The following DNAAF4 variants were observed in gnomAD, a reference collection of about 807,000 sequenced individuals.
DNAAF4 encodes the protein dynein axonemal assembly factor 4.
Under a neutral mutation model 51.8 loss-of-function variants are expected in DNAAF4, and 43 were observed. That is an observed-to-expected ratio of 0.83 (90% confidence interval 0.65 to 1.07). The LOEUF is 1.07. Ranked by LOEUF, DNAAF4 falls within the 50% of genes least tolerant of loss-of-function variation. The pLI is 0.00. For missense variants in DNAAF4, 581 were observed against 493.0 expected, an observed-to-expected ratio of 1.18 and a Z score of -1.69; for synonymous variants, 194 against 165.6, an observed-to-expected ratio of 1.17 and a Z score of -1.32.
chr15:55,427,595 C>A (rs1410711629), downstream of DNAAF4, among the ~76,000 whole-genome samples: 1 of 151,606 alleles, frequency 6.6e-6, no homozygotes, highest in African/African-American at 2.4e-5. Flanking sequence ...ATCTTAGGAG[C>A]AGTTTAGGGA....
rs1392684796 is a variant in DNAAF4, at chr15:55,498,292, G to T, written c.38C>A (p.Thr13Lys). ...CAGAGACAGAAAGACCGCAGTCTTC[G>T]TCTGCTGCCAGCTGTAATCGCTAAC... is the stretch of plus-strand genomic sequence containing the variant. ...LQVSDYSWQQ[T>K]KTAVFLSLPL... The change falls in exon 2 of 10, where the codon ACG (threonine) becomes AAG (lysine). Residue 13 changes from threonine (T) to lysine (K), a missense_variant. Coordinates refer to ENST00000321149, the MANE Select transcript of DNAAF4 (RefSeq NM_130810.4). The T allele has an allele frequency of 6.2e-7, 1 of 1,613,098 alleles. No homozygotes were observed. The highest frequency in any genetic ancestry group is 8.5e-7 in the Non-Finnish European group (1 of 1,179,588).
At chr15:55,426,489 C>G (rs959306972), downstream of DNAAF4, among the ~76,000 whole-genome samples, 6 of 152,180 alleles carry the variant, frequency 3.9e-5, no homozygotes, top group Non-Finnish European at 8.8e-5. Flanking sequence ...AAGGTTAGAA[C>G]CAAGATGGAG....
intron 5 of DNAAF4, among the ~76,000 whole-genome samples, chr15:55,456,082 C>CTT (rs772918466): frequency 2.8e-5 from 4 of 141,384 alleles, no homozygotes; most frequent in Admixed American, 7.2e-5. Context: ...CTAAATATTT[C>CTT]TTTTTTTTTT....
chr15:55,453,301 T>C (rs542219020), intron 5 of DNAAF4, among the ~76,000 whole-genome samples: 44 of 152,166 alleles, frequency 2.9e-4, no homozygotes, highest in Non-Finnish European at 2.5e-4. Flanking sequence ...AAGAAGTTTT[T>C]GCAGAAGATT....
intron 8 of DNAAF4, among the ~76,000 whole-genome samples, chr15:55,434,683 T>C (rs1388873958): frequency 2.6e-5 from 4 of 152,024 alleles, no homozygotes; most frequent in Admixed American, 6.6e-5. Flanking sequence ...CAGTAACAGC[T>C]GATTTTTAAT....
At chr15:55,429,168 G>A (rs554957537), downstream of DNAAF4, among the ~76,000 whole-genome samples, 2 of 151,968 alleles carry the variant, frequency 1.3e-5, no homozygotes, top group South Asian at 4.2e-4. Flanking sequence ...GTTGCAGTGA[G>A]CCGAGATTGC....
At chr15:55,470,272 G>A (rs1208962096) in intron 4 of DNAAF4, among the ~76,000 whole-genome samples, 1 of 151,918 alleles carries the variant, frequency 6.6e-6, no homozygotes, top group Non-Finnish European at 1.5e-5. Context: ...GGCTGATCTT[G>A]AACTCCTGAC....
At chr15:55,491,805 TA>T (rs1287330457) in intron 3 of DNAAF4, among the ~76,000 whole-genome samples, 1 of 143,234 alleles carries the variant, frequency 7.0e-6, no homozygotes, top group Non-Finnish European at 1.5e-5. Flanking sequence ...TTATATATAA[TA>T]TTTTATATAA....
intron 1 of DNAAF4, among the ~76,000 whole-genome samples, chr15:55,504,316 A>G (rs971080408): frequency 2.0e-5 from 3 of 152,186 alleles, no homozygotes; most frequent in African/African-American, 7.2e-5. Context: ...TGGATAGGAA[A>G]AATCAATATT....
rs1333950667 is a variant in DNAAF4, at chr15:55,469,330, A to G, written c.406-2169T>C. Among the ~76,000 whole-genome samples, 17 of 146,216 alleles carry G rather than the reference A, an allele frequency of 1.2e-4. No individual in the cohort carries two copies. In the East Asian group the frequency reaches 2.8e-3, roughly 24 times the overall value. On this transcript the variant is annotated intron_variant, in intron 4 of 9. Transcript: ENST00000321149. ...GGGGGACAAGAGCGAGGCTCCTCTC[A>G]AAAAAAAAAGAAAGAAAGAAAGAAA...
chr15:55,497,029 T>C (rs1268190516), intron 3 of DNAAF4, among the ~76,000 whole-genome samples: 3 of 152,198 alleles, frequency 2.0e-5, no homozygotes, highest in Non-Finnish European at 4.4e-5. Flanking sequence ...TGTTAAAAGC[T>C]ATCACATTTC....
Position 55,492,673 on chromosome 15 carries a change from G to A in DNAAF4, c.272-1417C>T, listed in dbSNP as rs564161955. Among the ~76,000 whole-genome samples, 53 of 151,896 alleles carry A rather than the reference G, an allele frequency of 3.5e-4. No individual in the cohort carries two copies. In the South Asian group the frequency reaches 7.9e-3, roughly 23 times the overall value. ...TCCTGCCTCAGCCTCCCAAGTAGCC[G>A]GGACTACGGGTGGGCATCACCACGC... is the stretch of plus-strand genomic sequence containing the variant. On this transcript the variant is annotated intron_variant, in intron 3 of 9. Coordinates refer to ENST00000321149, the MANE Select transcript of DNAAF4 (RefSeq NM_130810.4).
At chr15:55,422,031 A>C (rs974290579) in intron 7 of DNAAF4, among the ~76,000 whole-genome samples, 1 of 151,584 alleles carries the variant, frequency 6.6e-6, no homozygotes, top group Non-Finnish European at 1.5e-5. Context: ...AACAGACCAA[A>C]AAGCATGTAT....
At chr15:55,498,084 A>C (rs1328994132) in intron 2 of DNAAF4, 123 bp downstream of exon 2, 1 of 1,518,140 alleles carries the variant, frequency 6.6e-7, no homozygotes, top group African/African-American at 1.4e-5. Flanking sequence ...CATTTTTTTA[A>C]TAGGATTAAA....
At chr15:55,438,364 A>T (rs868623109) in intron 7 of DNAAF4, among the ~76,000 whole-genome samples, 2 of 152,072 alleles carry the variant, frequency 1.3e-5, no homozygotes, top group Non-Finnish European at 2.9e-5. Flanking sequence ...AAAAAAAAAA[A>T]AAATCCATAT....
At chr15:55,418,194 G>C in intron 7 of DNAAF4, 1 of 1,565,258 alleles carries the variant, frequency 6.4e-7, no homozygotes, top group Non-Finnish European at 8.6e-7. Flanking sequence ...CTTTATAATG[G>C]AGAATGATTT....
At chr15:55,456,113 C>G (rs992379039) in intron 5 of DNAAF4, among the ~76,000 whole-genome samples, 28 of 148,422 alleles carry the variant, frequency 1.9e-4, no homozygotes, top group Non-Finnish European at 3.3e-4. Flanking sequence ...GAGTTTCACT[C>G]TTGTTGCCCA....
chr15:55,456,875 G>T (rs78907658), intron 5 of DNAAF4, among the ~76,000 whole-genome samples: 5,542 of 152,300 alleles, frequency 0.036, 103 homozygotes, highest in African/African-American at 0.05. Context: ...ATCCCCAGCT[G>T]GAGTCCAAGG....
intron 1 of DNAAF4, among the ~76,000 whole-genome samples, chr15:55,503,953 G>A (rs1254687495): frequency 6.6e-6 from 1 of 152,088 alleles, no homozygotes; most frequent in African/African-American, 2.4e-5. Flanking sequence ...AGCAATATAG[G>A]GTATTCAAGT....
Sources: gnomAD v4.1 joint callset for allele counts (sites outside exome capture counted in the v4.1 genomes callset) on GRCh38, gnomAD v4.1.1 for gene constraint, MANE v1.5 for transcripts, NCBI Gene and HGNC (gene_info 2026-07-23, HGNC 2026-07-21) for gene names.